TRAPPC10: variants seen among roughly 807,000 people sequenced by gnomAD.
The protein encoded by TRAPPC10 is trafficking protein particle complex subunit 10.
In TRAPPC10, 23 loss-of-function variants were observed where a neutral mutation model predicts 125.5. The ratio of observed to expected loss-of-function variants is 0.18; its 90% confidence interval spans 0.13 to 0.26. The LOEUF (loss-of-function observed/expected upper bound fraction) is 0.26. TRAPPC10 is among the 10% of genes least tolerant of loss of function. The pLI is 1.00. For synonymous variants in TRAPPC10, 509 were observed against 518.0 expected (o/e 0.98, Z 0.24); for missense variants, 1,123 against 1,308.4 (o/e 0.86, Z 2.19).
Position 44,080,003 on chromosome 21 carries a change from T to G in TRAPPC10, c.1611-12T>G, listed in dbSNP as rs1326134973. ...TATGAGCCTCTCCACGCTCCTTACC[T>G]CTCCGCTCCAGCTACCTGCAGACCA... On this transcript the variant is annotated splice_polypyrimidine_tract_variant and intron_variant, in intron 12 of 22. Transcript: ENST00000291574. The G allele has an allele frequency of 3.7e-6, 6 of 1,612,176 alleles. No homozygotes were observed. In the African/African-American group the frequency reaches 6.7e-5, roughly 18 times the overall value.
chr21:44,073,381 G>A (rs1317880827), intron 7 of TRAPPC10, among the ~76,000 whole-genome samples: 3 of 152,164 alleles, frequency 2.0e-5, no homozygotes, highest in African/African-American at 7.2e-5. Flanking sequence ...TGAAGTCAGT[G>A]CCACCAGAGA....
intron 2 of TRAPPC10, among the ~76,000 whole-genome samples, chr21:44,033,202 C>G (rs2033726524): frequency 6.6e-6 from 1 of 151,988 alleles, no homozygotes; most frequent in South Asian, 2.1e-4. Context: ...ACAGAATTTC[C>G]TGTTGTTCTT....
chr21:44,077,982 A>G (rs976771440), intron 11 of TRAPPC10, among the ~76,000 whole-genome samples, 198 bp downstream of exon 11: 2 of 152,054 alleles, frequency 1.3e-5, no homozygotes, highest in African/African-American at 4.8e-5. Flanking sequence ...ACTCTTAATA[A>G]CTGTTATTGG....
At chr21:44,083,341 A>G (rs1338446836) in intron 14 of TRAPPC10, 39 bp downstream of exon 14, 5 of 1,593,614 alleles carry the variant, frequency 3.1e-6, no homozygotes, top group East Asian at 2.2e-5. Flanking sequence ...TCAAGTTTGT[A>G]AAGCAGGGCC....
intron 10 of TRAPPC10, among the ~76,000 whole-genome samples, chr21:44,077,150 A>G (rs1301113633): frequency 6.6e-6 from 1 of 152,226 alleles, no homozygotes; most frequent in Admixed American, 6.5e-5. Context: ...AGTCCTTGGA[A>G]AAGTTAGATG....
At chr21:44,066,467 T>C (rs1427235346) in intron 7 of TRAPPC10, among the ~76,000 whole-genome samples, 1 of 152,208 alleles carries the variant, frequency 6.6e-6, no homozygotes, top group African/African-American at 2.4e-5. Flanking sequence ...ACCCGTGAAG[T>C]GAGGCCAGTT....
chr21:44,095,941 T>C (rs1406493374), intron 20 of TRAPPC10, among the ~76,000 whole-genome samples: 1 of 141,858 alleles, frequency 7.0e-6, no homozygotes, highest in Non-Finnish European at 1.5e-5. Flanking sequence ...TTCTGGGTCA[T>C]AGGGTAACTC....
At chr21:44,072,970 C>A (rs1263889461) in intron 7 of TRAPPC10, among the ~76,000 whole-genome samples, 1 of 152,242 alleles carries the variant, frequency 6.6e-6, no homozygotes, top group South Asian at 2.1e-4. Context: ...GGACGCTCAT[C>A]AATCGGAGGG....
intron 4 of TRAPPC10, among the ~76,000 whole-genome samples, chr21:44,054,602 T>G (rs990592676): frequency 6.6e-6 from 1 of 152,244 alleles, no homozygotes; most frequent in African/African-American, 2.4e-5. Flanking sequence ...TTCCAGCCTA[T>G]CAGATAAATA....
At position 44,082,604 on chromosome 21, in the gene TRAPPC10, C is replaced by T. The variant is rs550730346; in HGVS notation, c.1724-184C>T. On this transcript the variant is annotated intron_variant, in intron 13 of 22. Transcript: ENST00000291574. This position sits in a 1 kb window ranked among gnomAD's most constrained non-coding sequence, Gnocchi z 4.4. ...CATTACGTAGGTATTTGCTAATATT[C>T]TGCTTTTGATACAATAGCCTTTGGG... 5.3e-5 allele frequency among the ~76,000 whole-genome samples: 8 copies of T among 152,060 alleles called. No homozygotes were observed. Among genetic ancestry groups the T allele is most frequent in the South Asian group, 2.1e-4 (1 of 4,816 alleles).
intron 11 of TRAPPC10, among the ~76,000 whole-genome samples, chr21:44,079,303 G>A (rs891940740): frequency 5.9e-5 from 9 of 152,132 alleles, no homozygotes; most frequent in African/African-American, 2.2e-4. Context: ...CTCGACATGT[G>A]TATAAAGCCA....
At chr21:44,072,225 T>C (rs1464377750) in intron 7 of TRAPPC10, among the ~76,000 whole-genome samples, 3 of 152,236 alleles carry the variant, frequency 2.0e-5, no homozygotes, top group African/African-American at 4.8e-5. Flanking sequence ...GGGGTGCACC[T>C]GTGCTGTCAG....
At position 44,091,699 on chromosome 21, in the gene TRAPPC10, A is replaced by G. The variant is rs1250643534; in HGVS notation, c.2871-224A>G. 1.8e-5 allele frequency: 7 copies of G among 385,900 alleles called. No homozygotes were observed. The East Asian group carries it at 3.0e-4, about 17-fold the overall frequency. The allele number at this position is 385,900 out of a possible 1,614,324, so 23.9% of individuals were successfully genotyped here. ...ATAATCTGCCCACCTCGGCCTCCCAAAGTGCTGGGATTACAGGCGTGAGCC... is the reference window on the plus strand; with the variant it reads ...ATAATCTGCCCACCTCGGCCTCCCAGAGTGCTGGGATTACAGGCGTGAGCC... On this transcript the variant is annotated intron_variant, in intron 18 of 22. Transcript: ENST00000291574.
chr21:44,023,025 CTTTTTTTTT>C (rs1028804319), intron 1 of TRAPPC10, among the ~76,000 whole-genome samples: 3 of 80,234 alleles, frequency 3.7e-5, no homozygotes, highest in Admixed American at 1.7e-4. Flanking sequence ...TTCCCTATGT[CTTTTTTTTT>C]TTTTTTTTTT....
chr21:44,069,294 C>CTCCA (rs2036679851), intron 7 of TRAPPC10, among the ~76,000 whole-genome samples: 1 of 152,178 alleles, frequency 6.6e-6, no homozygotes, highest in South Asian at 2.1e-4. Context: ...AGGGCCCTTA[C>CTCCA]TCCAGGGCGT....
In TRAPPC10 at chr21:44,095,589, A is replaced by G. The variant is rs574756704; in HGVS notation, c.3168+1356A>G. On this transcript the variant is annotated intron_variant, in intron 20 of 22. Transcript: ENST00000291574. ...GTTTTGTTTTGTTTTTTTGAGACAG[A>G]GACTCGCTGTGTCGCCCAGGCTGGA... Among the ~76,000 whole-genome samples the G allele has an allele frequency of 1.7e-3, 228 of 134,742 alleles. 2 individuals are homozygous for G. Among genetic ancestry groups the G allele is most frequent in the African/African-American group, 6.1e-3 (217 of 35,438 alleles). 88.4% of individuals were successfully genotyped at this position (134,742 alleles called of 152,430 possible). A position where few individuals can be genotyped will look rare whatever the true frequency, so the allele number is the denominator to read the frequency against.
At chr21:44,065,465 T>C (rs554797481) in intron 7 of TRAPPC10, among the ~76,000 whole-genome samples, 1 of 152,360 alleles carries the variant, frequency 6.6e-6, no homozygotes, top group East Asian at 1.9e-4. Flanking sequence ...AGCTGCCCCA[T>C]TGCTTTTAGT....
At chr21:44,055,600 G>A (rs2035531037) in intron 4 of TRAPPC10, 98 bp from the exon 5 acceptor site, 1 of 964,012 alleles carries the variant, frequency 1.0e-6, no homozygotes, top group Non-Finnish European at 1.5e-6. Flanking sequence ...AAAAGGAGGA[G>A]GAAGGAAGAA....
At position 44,012,573 on chromosome 21, in the gene TRAPPC10, A is replaced by G; in HGVS notation, c.67+13A>G. 6.5e-7 allele frequency: 1 copy of G among 1,531,398 alleles called. No individual in the cohort carries two copies. The highest frequency in any genetic ancestry group is 1.4e-5 in the African/African-American group (1 of 71,846). 94.9% of individuals were successfully genotyped at this position (1,531,398 alleles called of 1,614,324 possible). On this transcript the variant is annotated intron_variant, in intron 1 of 22. Coordinates refer to ENST00000291574, the MANE Select transcript of TRAPPC10 (RefSeq NM_003274.5). The stretch of plus-strand genomic sequence containing the variant: ...CCCATCGTCACCTGTGAGTGCCCGG[A>G]GGCGGGGAGGGCGCGGCGGTCGTTG...
Sources: allele counts gnomAD v4.1 joint callset (sites outside exome capture counted in the v4.1 genomes callset), GRCh38; gene constraint gnomAD v4.1.1; non-coding constraint Gnocchi (gnomAD v3.1); transcripts MANE v1.5; gene names NCBI Gene and HGNC (gene_info 2026-07-23, HGNC 2026-07-21).